Variants in ITGB8 observed in about 807,000 individuals in gnomAD.
The protein encoded by ITGB8 is integrin subunit beta 8.
Under a neutral mutation model 89.5 loss-of-function variants are expected in ITGB8, and 30 were observed. The ratio of observed to expected loss-of-function variants is 0.34; its 90% confidence interval spans 0.25 to 0.45. The LOEUF (loss-of-function observed/expected upper bound fraction) is 0.45, where lower values mean the gene tolerates loss of function less well. Ranked by LOEUF, ITGB8 falls within the 20% of genes least tolerant of loss-of-function variation. The pLI is 1.00. For synonymous variants in ITGB8, 335 were observed against 320.4 expected, an observed-to-expected ratio of 1.05 and a Z score of -0.49; for missense variants, 836 against 933.3, an observed-to-expected ratio of 0.90 and a Z score of 1.36.
At chr7:20,334,564 A>G (rs899216651) in intron 1 of ITGB8, among the ~76,000 whole-genome samples, 3 of 152,174 alleles carry the variant, frequency 2.0e-5, no homozygotes, top group African/African-American at 7.2e-5. Flanking sequence ...CTAGATTAAC[A>G]TTATTTTGTG....
At chr7:20,395,414 C>T (rs540629983) in intron 8 of ITGB8, among the ~76,000 whole-genome samples, 33 of 152,318 alleles carry the variant, frequency 2.2e-4, no homozygotes, top group African/African-American at 7.5e-4. Context: ...TAAGAGGAGT[C>T]GGTTGGGATC....
At chr7:20,374,984 T>C (rs1450120433) in intron 3 of ITGB8, among the ~76,000 whole-genome samples, 1 of 152,038 alleles carries the variant, frequency 6.6e-6, no homozygotes. Context: ...AAAAAGACAA[T>C]GAAGGGCAAG....
rs982059859 is a variant in ITGB8, at chr7:20,346,813, T to G, written c.127+14880T>G. 8.1e-6 allele frequency: 8 copies of G among 985,278 alleles called. No homozygotes were observed. The African/African-American group carries it at 1.4e-4, about 17-fold the overall frequency. 61.0% of individuals were successfully genotyped at this position (985,278 alleles called of 1,614,324 possible). A position where few individuals can be genotyped will look rare whatever the true frequency, so the allele number is the denominator to read the frequency against. ...AGAGAGGAGGCATGTACATTGACCA[T>G]GACATAGGACTTTAGGAGAAAAGCA... is the stretch of plus-strand genomic sequence containing the variant. On this transcript the variant is annotated intron_variant, in intron 1 of 13. Coordinates refer to ENST00000222573, the MANE Select transcript of ITGB8 (RefSeq NM_002214.3).
chr7:20,336,004 T>TC lies in ITGB8; in HGVS notation c.127+4071_127+4072insC, dbSNP rs1583461551. Reference sequence around the variant, plus strand: ...CTCTGATCCAGTCTTGGTTTTCTTTTTTTTTTTTTTTTTTTTTTTGAGACG... The same window carrying TC: ...CTCTGATCCAGTCTTGGTTTTCTTTTCTTTTTTTTTTTTTTTTTTTGAGACG... On this transcript the variant is annotated intron_variant, in intron 1 of 13. Transcript: ENST00000222573. 5.6e-5 allele frequency among the ~76,000 whole-genome samples: 6 copies of TC among 107,138 alleles called. No homozygotes were observed. The South Asian group carries it at 1.0e-3, about 19-fold the overall frequency. 70.3% of individuals were successfully genotyped at this position (107,138 alleles called of 152,430 possible).
At chr7:20,371,677 G>A (rs1355975100) in intron 3 of ITGB8, among the ~76,000 whole-genome samples, 4 of 152,192 alleles carry the variant, frequency 2.6e-5, no homozygotes, top group Non-Finnish European at 4.4e-5. Context: ...ATCAATAAAT[G>A]TAAGACAATC....
intron 7 of ITGB8, among the ~76,000 whole-genome samples, chr7:20,394,222 T>C (rs1168719286): frequency 2.6e-5 from 4 of 152,236 alleles, no homozygotes; most frequent in Non-Finnish European, 5.9e-5. Context: ...CCATCTGATT[T>C]CCTATAAGTA....
chr7:20,333,194 G>A (rs1390546292), intron 1 of ITGB8, among the ~76,000 whole-genome samples: 1 of 152,086 alleles, frequency 6.6e-6, no homozygotes, highest in Non-Finnish European at 1.5e-5. Flanking sequence ...GGAAATTGTT[G>A]CATATACAGT....
chr7:20,380,869 C>G (rs200330601), intron 5 of ITGB8, 38 bp downstream of exon 5: 1 of 1,538,070 alleles, frequency 6.5e-7, no homozygotes, highest in Non-Finnish European at 8.9e-7. Context: ...TGCTAAGATG[C>G]CAAACTTTCA....
rs66469619 is a variant in ITGB8, at chr7:20,411,146, CTTTTTTTTTTTT to C, written c.*1163_*1174del. ...GAATAGATGATATCTTAGAAATAAG[CTTTTTTTTTTTT>C]TTTTTTTTTTTTTGAGACGGAGTTT... is the stretch of plus-strand genomic sequence containing the variant. On this transcript the variant is annotated 3_prime_UTR_variant, in exon 14 of 14. Coordinates refer to ENST00000222573, the MANE Select transcript of ITGB8 (RefSeq NM_002214.3). The C allele has an allele frequency of 3.3e-5, 2 of 60,354 alleles. No homozygotes were observed. Among genetic ancestry groups the C allele is most frequent in the Non-Finnish European group, 5.8e-5 (2 of 34,684 alleles). The allele number at this position is 60,354 out of a possible 1,614,324, so 3.7% of individuals were successfully genotyped here.
intron 1 of ITGB8, among the ~76,000 whole-genome samples, chr7:20,360,915 C>CTTTTTTTTTTTTTTTT (rs1167974755): frequency 2.5e-5 from 2 of 80,916 alleles, no homozygotes; most frequent in Non-Finnish European, 5.4e-5. Flanking sequence ...CAACTGCAGT[C>CTTTTTTTTTTTTTTTT]TTTTTTTTTT....
At chr7:20,399,396 T>G (rs2127980504) in intron 9 of ITGB8, among the ~76,000 whole-genome samples, 1 of 152,250 alleles carries the variant, frequency 6.6e-6, no homozygotes, top group Non-Finnish European at 1.5e-5. Flanking sequence ...AAATTGAAAG[T>G]CACATATCAC....
intron 7 of ITGB8, 50 bp from the exon 8 acceptor site, chr7:20,394,846 C>T: frequency 8.1e-7 from 1 of 1,228,006 alleles, no homozygotes; most frequent in African/African-American, 1.5e-5. Context: ...TGGTTGCTAA[C>T]CCATTACATA....
chr7:20,404,552 C>T, intron 10 of ITGB8, 76 bp from the exon 11 acceptor site: 1 of 1,230,836 alleles, frequency 8.1e-7, no homozygotes, highest in Non-Finnish European at 1.2e-6. Flanking sequence ...GGAGATGATA[C>T]AGGAATCCAT....
At position 20,379,216 on chromosome 7, in the gene ITGB8, G is replaced by A. The variant is rs762238509; in HGVS notation, c.554G>A (p.Arg185His). Residue 185 changes from arginine to histidine, a missense_variant, in exon 4 of 14, where the codon CGT (arginine) becomes CAT (histidine). Arg to His is a conservative substitution (Grantham distance 29). Coordinates refer to ENST00000222573, the MANE Select transcript of ITGB8 (RefSeq NM_002214.3). The part of the protein sequence containing the change: ...RKMAFFSRDF[R>H]LGFGSYVDKT... ...ATGGCATTTTTCTCCCGTGACTTTC[G>A]TCTTGGATTTGGCTCATACGTTGAT... 32 of 1,611,602 alleles carry A rather than the reference G, an allele frequency of 2.0e-5. No homozygotes were observed. The highest frequency in any genetic ancestry group is 1.0e-4 in the Admixed American group (6 of 59,772).
intron 1 of ITGB8, among the ~76,000 whole-genome samples, chr7:20,360,540 T>G (rs1785460649): frequency 6.6e-6 from 1 of 152,056 alleles, no homozygotes; most frequent in Non-Finnish European, 1.5e-5. Context: ...CATTAAACCA[T>G]TTTGTATGTC....
chr7:20,404,968 AG>A, intron 11 of ITGB8, 115 bp downstream of exon 11: 1 of 858,220 alleles, frequency 1.2e-6, no homozygotes, highest in South Asian at 1.6e-5. Flanking sequence ...ATGCTAAAAA[AG>A]AATTAAATGA....
intron 10 of ITGB8, among the ~76,000 whole-genome samples, chr7:20,404,372 AC>A (rs759696558): frequency 8.5e-5 from 13 of 152,240 alleles, no homozygotes; most frequent in Non-Finnish European, 1.5e-4. Flanking sequence ...TCTGGCAGCC[AC>A]TGAAGCAGGG....
At chr7:20,390,387 T>A (rs984598358) in intron 6 of ITGB8, among the ~76,000 whole-genome samples, 6 of 152,094 alleles carry the variant, frequency 3.9e-5, no homozygotes, top group African/African-American at 1.4e-4. Context: ...TAGAAGAGTA[T>A]TTATAGAAAA....
rs549829552 is a variant in ITGB8 at position 20,391,635 on chromosome 7, A to G, written c.1056+137A>G. The G allele has an allele frequency of 6.5e-4, 319 of 488,952 alleles. 1 individual carries two copies. The highest frequency in any genetic ancestry group is 1.6e-3 in the Admixed American group (40 of 25,300). The allele number at this position is 488,952 out of a possible 1,614,324, so 30.3% of individuals were successfully genotyped here. ...TCTAAATTCTATATTGTATTACTAA[A>G]GTATCCTTTACAATGTCTTAACTTA... On this transcript the variant is annotated intron_variant, in intron 7 of 13. Coordinates refer to ENST00000222573, the MANE Select transcript of ITGB8 (RefSeq NM_002214.3).
Sources: gnomAD v4.1 joint callset for allele counts (sites outside exome capture counted in the v4.1 genomes callset) on GRCh38, gnomAD v4.1.1 for gene constraint, MANE v1.5 for transcripts, NCBI Gene and HGNC (gene_info 2026-07-23, HGNC 2026-07-21) for gene names.